Variants in C1orf21 observed in about 807,000 individuals in gnomAD.
C1orf21 encodes chromosome 1 open reading frame 21.
C1orf21 carries 3 observed loss-of-function variants against 18.7 expected under a neutral mutation model. That is an observed-to-expected ratio of 0.16 (90% CI 0.07 to 0.42). The LOEUF (loss-of-function observed/expected upper bound fraction) is 0.42, where lower values mean the gene tolerates loss of function less well. C1orf21 is among the 10% of genes least tolerant of loss of function. The pLI, the probability that C1orf21 is intolerant of heterozygous loss-of-function variation, is 0.99. For missense variants in C1orf21, 104 were observed against 143.6 expected (o/e 0.72, Z 1.41); for synonymous variants, 41 against 46.4 (o/e 0.88, Z 0.47).
intron 1 of C1orf21, among the ~76,000 whole-genome samples, chr1:184,397,472 G>T (rs1448957214): frequency 6.6e-6 from 1 of 152,148 alleles, no homozygotes; most frequent in East Asian, 1.9e-4. Context: ...TGTAGTCCCA[G>T]CTACTTGGGA....
chr1:184,558,067 G>C (rs1658902941), intron 3 of C1orf21, among the ~76,000 whole-genome samples: 1 of 152,146 alleles, frequency 6.6e-6, no homozygotes, highest in South Asian at 2.1e-4. Context: ...TACCGTTTTG[G>C]TTTTCAACAT....
chr1:184,419,532 C>T (rs1656512059), intron 1 of C1orf21, among the ~76,000 whole-genome samples: 1 of 152,120 alleles, frequency 6.6e-6, no homozygotes. Context: ...CAATGCAAAT[C>T]TCAGCCCTCG....
intron 3 of C1orf21, among the ~76,000 whole-genome samples, chr1:184,521,082 A>C (rs1047496340): frequency 2.2e-4 from 33 of 152,186 alleles, no homozygotes; most frequent in African/African-American, 7.5e-4. Context: ...TAGTAGAGAC[A>C]GTGTTTCTCC....
intron 1 of C1orf21, among the ~76,000 whole-genome samples, chr1:184,430,098 C>A (rs947469998): frequency 2.3e-5 from 3 of 132,438 alleles, no homozygotes; most frequent in African/African-American, 9.0e-5. Flanking sequence ...GGCGACAGAG[C>A]GAGACTCCGT....
chr1:184,566,100 A>G (rs1456312109), intron 3 of C1orf21, among the ~76,000 whole-genome samples: 1 of 152,156 alleles, frequency 6.6e-6, no homozygotes, highest in Non-Finnish European at 1.5e-5. Flanking sequence ...GAAGGTCTCA[A>G]AAGAAGATCC....
At chr1:184,486,886 C>T (rs1657739618) in intron 2 of C1orf21, among the ~76,000 whole-genome samples, 1 of 152,168 alleles carries the variant, frequency 6.6e-6, no homozygotes, top group South Asian at 2.1e-4. Flanking sequence ...GCTGGCAGGG[C>T]CCTCCAAGTC....
At chr1:184,480,414 T>G (rs963162081) in intron 2 of C1orf21, among the ~76,000 whole-genome samples, 1 of 152,226 alleles carries the variant, frequency 6.6e-6, no homozygotes. Context: ...AACCTTAGAT[T>G]GTCAGAGCAA....
At chr1:184,421,139 G>C (rs1656541208) in intron 1 of C1orf21, among the ~76,000 whole-genome samples, 1 of 152,144 alleles carries the variant, frequency 6.6e-6, no homozygotes, top group Non-Finnish European at 1.5e-5. Flanking sequence ...CTTTTGTTTT[G>C]TTTTAGAGAC....
chr1:184,539,033 T>G (rs1296767890), intron 3 of C1orf21, among the ~76,000 whole-genome samples: 1 of 152,202 alleles, frequency 6.6e-6, no homozygotes, highest in African/African-American at 2.4e-5. Context: ...TCCAGTTCCA[T>G]GTTGAATTGA....
chr1:184,559,431 T>G (rs888613997), intron 3 of C1orf21, among the ~76,000 whole-genome samples: 1 of 151,400 alleles, frequency 6.6e-6, no homozygotes, highest in Admixed American at 6.6e-5. Flanking sequence ...AACCACTTTT[T>G]AAATAAATTA....
intron 2 of C1orf21, among the ~76,000 whole-genome samples, chr1:184,482,634 T>C (rs1164460124): frequency 6.6e-6 from 1 of 152,224 alleles, no homozygotes; most frequent in Non-Finnish European, 1.5e-5. Context: ...ACATTTAAAA[T>C]GTTTTAAATG....
intron 1 of C1orf21, among the ~76,000 whole-genome samples, chr1:184,451,098 G>A (rs1657113589): frequency 6.6e-6 from 1 of 152,162 alleles, no homozygotes; most frequent in South Asian, 2.1e-4. Flanking sequence ...GGCTGGTCTT[G>A]AACTCCTGAC....
At chr1:184,596,749 C>T (rs1832552) in intron 4 of C1orf21, among the ~76,000 whole-genome samples, 9,435 of 151,910 alleles carry the variant, frequency 0.062, 419 homozygotes, top group African/African-American at 0.11. Flanking sequence ...CTCACGCCTG[C>T]AGTCCCAACT....
At chr1:184,501,804 C>T (rs1657980297) in intron 2 of C1orf21, among the ~76,000 whole-genome samples, 1 of 152,092 alleles carries the variant, frequency 6.6e-6, no homozygotes, top group Non-Finnish European at 1.5e-5. Context: ...TTTGCTCAGA[C>T]CTTTTTGGGC....
At chr1:184,421,891 G>A (rs1656552062) in intron 1 of C1orf21, among the ~76,000 whole-genome samples, 2 of 152,148 alleles carry the variant, frequency 1.3e-5, no homozygotes, top group South Asian at 4.1e-4. Flanking sequence ...TGTCTATGGT[G>A]CTTTATAAAG....
intron 3 of C1orf21, among the ~76,000 whole-genome samples, chr1:184,542,844 C>T (rs1232699689): frequency 6.6e-6 from 1 of 152,212 alleles, no homozygotes; most frequent in Admixed American, 6.5e-5. Context: ...GTCCCTCACT[C>T]TCCTGGCTTT....
chr1:184,418,300 G>A (rs1656491513), intron 1 of C1orf21, among the ~76,000 whole-genome samples: 1 of 152,068 alleles, frequency 6.6e-6, no homozygotes, highest in Non-Finnish European at 1.5e-5. Context: ...GCTCACTGCA[G>A]CCTTGCCTCC....
intron 3 of C1orf21, among the ~76,000 whole-genome samples, chr1:184,589,812 C>G (rs1659411534): frequency 6.6e-6 from 1 of 152,172 alleles, no homozygotes; most frequent in Admixed American, 6.5e-5. Flanking sequence ...AATAGGACCT[C>G]AAAAAGAGCT....
At chr1:184,591,760 G>T (rs890777770) in intron 4 of C1orf21, among the ~76,000 whole-genome samples, 4 of 151,768 alleles carry the variant, frequency 2.6e-5, no homozygotes, top group East Asian at 1.9e-4. Context: ...GAGCAGAGAT[G>T]GCGCCACTGC....
Sources: gnomAD v4.1 joint callset for allele counts (sites outside exome capture counted in the v4.1 genomes callset) on GRCh38, gnomAD v4.1.1 for gene constraint, MANE v1.5 for transcripts, NCBI Gene and HGNC (gene_info 2026-07-23, HGNC 2026-07-21) for gene names.